The following MICALL2 variants were observed in gnomAD, a reference collection of about 807,000 sequenced individuals.
MICALL2 encodes the protein MICAL-like protein 2.
MICALL2 carries 111 observed loss-of-function variants against 91.1 expected under a neutral mutation model. That is an observed-to-expected ratio of 1.22 (90% CI 1.04 to 1.43). The LOEUF is 1.43. Among genes scored for constraint, MICALL2 ranks in the 40% most tolerant of loss-of-function variants. MICALL2 has a pLI of 0.00. For synonymous variants in MICALL2, 694 were observed against 525.3 expected (o/e 1.32, Z -4.39); for missense variants, 1,556 against 1,236.0 (o/e 1.26, Z -3.88).
intron 1 of MICALL2, among the ~76,000 whole-genome samples, chr7:1,455,330 T>C (rs908652204): frequency 1.3e-5 from 2 of 152,162 alleles, no homozygotes; most frequent in African/African-American, 4.8e-5. Flanking sequence ...TGAGCTCACC[T>C]GGCTGCCCAG....
intron 9 of MICALL2, 166 bp from the exon 10 acceptor site, chr7:1,439,161 G>A (rs1780136499): frequency 3.4e-6 from 2 of 590,300 alleles, no homozygotes; most frequent in Non-Finnish European, 5.9e-6. Flanking sequence ...CCCACGTCCT[G>A]CCCAACCTGG....
At chr7:1,443,187 A>C (rs1187333413) in intron 6 of MICALL2, among the ~76,000 whole-genome samples, 6 of 138,812 alleles carry the variant, frequency 4.3e-5, no homozygotes, top group African/African-American at 1.3e-4. Context: ...CCCCAGCCAC[A>C]CATGCCCCCC....
At chr7:1,450,142 G>A in intron 2 of MICALL2, 98 bp downstream of exon 2, 2 of 902,822 alleles carry the variant, frequency 2.2e-6, no homozygotes, top group Non-Finnish European at 3.6e-6. Flanking sequence ...TCCCAAGGCA[G>A]GTGCAGGGCC....
intron 6 of MICALL2, 87 bp from the exon 7 acceptor site, chr7:1,442,571 G>A (rs1354842576): frequency 3.0e-6 from 4 of 1,318,858 alleles, no homozygotes; most frequent in African/African-American, 1.5e-5. Context: ...CCTCCCTGCA[G>A]CTCACTCCCA....
intron 5 of MICALL2, among the ~76,000 whole-genome samples, chr7:1,445,823 G>A (rs865821448): frequency 6.6e-6 from 1 of 152,058 alleles, no homozygotes; most frequent in African/African-American, 2.4e-5. Context: ...TGGGAGGACC[G>A]GCCCACCCCA....
In MICALL2 at chr7:1,452,239, G is replaced by A. The variant is rs1780861311; in HGVS notation, c.144-1951C>T. ...ACAGATGACGAGGAGCCCCCTCCCTGGGCTCAGTGGCAGCGAAAGCGGTTT... is the reference window on the plus strand; with the variant it reads ...ACAGATGACGAGGAGCCCCCTCCCTAGGCTCAGTGGCAGCGAAAGCGGTTT... On this transcript the variant is annotated intron_variant, in intron 1 of 16. Transcript: ENST00000297508. The surrounding 1 kb of genome is among the most constrained non-coding windows in gnomAD (Gnocchi z 6.2). Among the ~76,000 whole-genome samples the A allele has an allele frequency of 6.6e-6, 1 of 152,182 alleles. No individual in the cohort carries two copies. Among genetic ancestry groups the A allele is most frequent in the Non-Finnish European group, 1.5e-5 (1 of 68,024 alleles).
chr7:1,437,832 T>G, intron 13 of MICALL2, 58 bp downstream of exon 13: 1 of 1,475,724 alleles, frequency 6.8e-7, no homozygotes, highest in Non-Finnish European at 9.2e-7. Context: ...CCGCCTGGCC[T>G]GCCCAGCCCG....
In MICALL2 at chr7:1,450,450, C is replaced by T. The variant is rs564106453; in HGVS notation, c.144-162G>A. ...GACCACAGGTGGGCAGAGGCCAGGG[C>T]TCCCGGCCCTGCTCCGGCCACGGTG... On this transcript the variant is annotated intron_variant, in intron 1 of 16. Coordinates refer to ENST00000297508, the MANE Select transcript of MICALL2 (RefSeq NM_182924.4). 108 of 651,534 alleles carry T rather than the reference C, an allele frequency of 1.7e-4. 3 individuals carry two copies. The South Asian group carries it at 1.8e-3, about 11-fold the overall frequency. 40.4% of individuals were successfully genotyped at this position (651,534 alleles called of 1,614,324 possible). A position where few individuals can be genotyped will look rare whatever the true frequency, so the allele number is the denominator to read the frequency against.
Position 1,435,217 on chromosome 7 carries a change from G to A in MICALL2, c.2592-70C>T, listed in dbSNP as rs556277070. 188 of 1,521,530 alleles carry A rather than the reference G, an allele frequency of 1.2e-4. 2 individuals carry two copies. In the Admixed American group the frequency reaches 1.3e-3, roughly 10 times the overall value. The allele number at this position is 1,521,530 out of a possible 1,614,324, so 94.3% of individuals were successfully genotyped here. A position where few individuals can be genotyped will look rare whatever the true frequency, so the allele number is the denominator to read the frequency against. Reference sequence around the variant, plus strand: ...GGTGCCCTGGAGGGGCCTCCGGACAGTCTCCAGCAGTGGCACCCCAGCCCT... The same window carrying A: ...GGTGCCCTGGAGGGGCCTCCGGACAATCTCCAGCAGTGGCACCCCAGCCCT... On this transcript the variant is annotated intron_variant, in intron 15 of 16. Coordinates refer to ENST00000297508, the MANE Select transcript of MICALL2 (RefSeq NM_182924.4).
chr7:1,443,611 G>A (rs563545771), intron 6 of MICALL2, among the ~76,000 whole-genome samples: 2 of 152,224 alleles, frequency 1.3e-5, no homozygotes, highest in South Asian at 2.1e-4. Flanking sequence ...CAACAACCAT[G>A]TCCTTAGAAG....
chr7:1,448,746 C>G lies in MICALL2; in HGVS notation c.208G>C (p.Glu70Gln). The change falls in exon 3 of 17, where the codon GAG becomes CAG. Residue 70 changes from glutamate (E) to glutamine (Q), a missense_variant. Glu to Gln is a conservative substitution (Grantham distance 29). Transcript: ENST00000297508. ...AAGGCTGGGATGCCCAAGTGCTCCT[C>G]GGCCACGCGGAAGGCCTGCGAAAGG... ...ENNKLAFRVA[E>Q]EHLGIPALLD... 6.2e-7 allele frequency: 1 copy of G among 1,612,656 alleles called. No homozygotes were observed. Among genetic ancestry groups the G allele is most frequent in the Non-Finnish European group, 8.5e-7 (1 of 1,179,906 alleles).
At chr7:1,454,350 G>A (rs1216283429) in intron 1 of MICALL2, among the ~76,000 whole-genome samples, 2 of 152,032 alleles carry the variant, frequency 1.3e-5, no homozygotes, top group Non-Finnish European at 2.9e-5. Flanking sequence ...AGGCCCAAGA[G>A]AGACAGGGAC....
chr7:1,449,529 T>A (rs965349067), intron 2 of MICALL2, among the ~76,000 whole-genome samples: 2 of 152,268 alleles, frequency 1.3e-5, no homozygotes, highest in African/African-American at 4.8e-5. Flanking sequence ...GTAATTTTAG[T>A]TCATTTTAAT....
At position 1,437,966 on chromosome 7, in the gene MICALL2, T is replaced by C. The variant is rs1158522726; in HGVS notation, c.2326A>G (p.Ser776Gly). ...AGCCAGAACCAGTCCACCATGAGGC[T>C]ATCCTCAGCGTCATCTGGGGAGAGG... ...RAAEGDDAED[S>G]LMVDWFWLIH... Residue 776 changes from serine (S) to glycine (G), a missense_variant, in exon 13 of 17, where the codon AGC becomes GGC. By Grantham distance (56) the Ser-to-Gly change is moderately conservative. Coordinates refer to ENST00000297508, the MANE Select transcript of MICALL2 (RefSeq NM_182924.4). The C allele has an allele frequency of 1.3e-6, 2 of 1,550,238 alleles. No individual in the cohort carries two copies. Among genetic ancestry groups the C allele is most frequent in the African/African-American group, 2.7e-5 (2 of 73,152 alleles).
In MICALL2 at chr7:1,446,789, C is replaced by G; in HGVS notation, c.565G>C (p.Gly189Arg). The G allele has an allele frequency of 6.2e-7, 1 of 1,606,676 alleles. No individual in the cohort carries two copies. Among genetic ancestry groups the G allele is most frequent in the Non-Finnish European group, 8.5e-7 (1 of 1,177,288 alleles). The change falls in exon 5 of 17, where the codon GGG (glycine) becomes CGG (arginine). Residue 189 changes from glycine (G) to arginine (R), a missense_variant. Physicochemically the swap from Gly to Arg is moderately radical, Grantham distance 125. Coordinates refer to ENST00000297508, the MANE Select transcript of MICALL2 (RefSeq NM_182924.4). The stretch of plus-strand genomic sequence containing the variant: ...AGGTGCACGTGCTTGCCGCAGACCC[C>G]GCAGGTGCTGCTGACCAAGCTGCCC... Reference protein sequence around the residue: ...LAGSLVSSTCGVCGKHVHLVQ... With the variant: ...LAGSLVSSTCRVCGKHVHLVQ...
At position 1,437,517 on chromosome 7, in the gene MICALL2, G is replaced by A. The variant is rs866337668; in HGVS notation, c.2476+18C>T. 4.6e-6 allele frequency: 7 copies of A among 1,506,008 alleles called. No homozygotes were observed. In the African/African-American group the frequency reaches 8.6e-5, roughly 18 times the overall value. The allele number at this position is 1,506,008 out of a possible 1,614,324, so 93.3% of individuals were successfully genotyped here. The stretch of plus-strand genomic sequence containing the variant: ...CATCCCTGGCTGGGGCCCCTTGGCT[G>A]GCGCGCGGGGGACGCACCGGGCTTG... On this transcript the variant is annotated intron_variant, in intron 14 of 16. Coordinates refer to ENST00000297508, the MANE Select transcript of MICALL2 (RefSeq NM_182924.4).
In MICALL2 at chr7:1,442,178, A is replaced by T. The variant is rs1780316888; in HGVS notation, c.1711+14T>A. ...GGGCCCCCGGGGCCTCCTGCCTCCC[A>T]GCCCCTTACTCACCCTGCGTTAAGG... On this transcript the variant is annotated intron_variant, in intron 7 of 16. Transcript: ENST00000297508. The T allele has an allele frequency of 6.8e-6, 11 of 1,610,858 alleles. No individual in the cohort carries two copies. Among genetic ancestry groups the T allele is most frequent in the Non-Finnish European group, 9.3e-6 (11 of 1,179,600 alleles).
At chr7:1,455,183 C>T (rs376104753) in intron 1 of MICALL2, among the ~76,000 whole-genome samples, 1 of 152,228 alleles carries the variant, frequency 6.6e-6, no homozygotes, top group Non-Finnish European at 1.5e-5. Context: ...CCCATCTGCC[C>T]GAGGGCTGTG....
rs542627648 is a variant in MICALL2 at position 1,438,802 on chromosome 7, C to T, written c.2122+38G>A. ...CCTCCTCAGAGGAAGGCTCCCTTCA[C>T]GTACACCCCAAACAGCAGCGGTGTC... On this transcript the variant is annotated intron_variant, in intron 10 of 16. Coordinates refer to ENST00000297508, the MANE Select transcript of MICALL2 (RefSeq NM_182924.4). The T allele has an allele frequency of 1.4e-4, 225 of 1,567,048 alleles. 2 individuals are homozygous for T. The South Asian group carries it at 1.9e-3, about 13-fold the overall frequency.
Sources: allele counts gnomAD v4.1 joint callset (sites outside exome capture counted in the v4.1 genomes callset), GRCh38; gene constraint gnomAD v4.1.1; non-coding constraint Gnocchi (gnomAD v3.1); transcripts MANE v1.5; gene names NCBI Gene and HGNC (gene_info 2026-07-23, HGNC 2026-07-21).